SGCZ: variants seen among roughly 807,000 people sequenced by gnomAD.
SGCZ encodes sarcoglycan zeta, also known as zeta-sarcoglycan.
A neutral mutation model predicts 41.3 loss-of-function variants in SGCZ; 40 were observed. That is an observed-to-expected ratio of 0.97 (90% CI 0.75 to 1.26). The LOEUF is 1.26. SGCZ is among the 50% of genes most tolerant of loss of function. SGCZ has a pLI of 0.00. For missense variants in SGCZ, 552 were observed against 369.8 expected (o/e 1.49, Z -4.04); for synonymous variants, 206 against 137.5 (o/e 1.50, Z -3.49).
intron 1 of SGCZ, among the ~76,000 whole-genome samples, chr8:14,671,282 T>G (rs1230647151): frequency 6.6e-6 from 1 of 152,206 alleles, no homozygotes; most frequent in Non-Finnish European, 1.5e-5. Context: ...TGGCTGTCTC[T>G]GCTCTGGCAT....
chr8:14,223,450 T>C (rs942167761), intron 4 of SGCZ, among the ~76,000 whole-genome samples: 8 of 152,202 alleles, frequency 5.3e-5, no homozygotes, highest in Admixed American at 1.3e-4. Context: ...ATATTTTCAA[T>C]GAATATTGAT....
At chr8:14,614,212 C>G (rs1355305) in intron 1 of SGCZ, among the ~76,000 whole-genome samples, 1 of 151,774 alleles carries the variant, frequency 6.6e-6, no homozygotes, top group African/African-American at 2.4e-5. Context: ...CCTTTAGAAC[C>G]GAAAATGAAT....
At chr8:15,167,016 T>A in intron 1 of SGCZ, among the ~76,000 whole-genome samples, 1 of 141,638 alleles carries the variant, frequency 7.1e-6, no homozygotes, top group African/African-American at 2.5e-5. Flanking sequence ...ATTCTTGTTT[T>A]GTTTTTTTTT....
At chr8:15,022,832 T>C (rs935373332) in intron 1 of SGCZ, among the ~76,000 whole-genome samples, 1 of 152,214 alleles carries the variant, frequency 6.6e-6, no homozygotes, top group African/African-American at 2.4e-5. Flanking sequence ...CAAATAGTCT[T>C]GTGCAAGAAT....
chr8:14,757,692 C>A (rs949681032), intron 1 of SGCZ, among the ~76,000 whole-genome samples: 1 of 152,174 alleles, frequency 6.6e-6, no homozygotes, highest in African/African-American at 2.4e-5. Context: ...ATCCTTATCA[C>A]AAAGAATTGA....
intron 1 of SGCZ, among the ~76,000 whole-genome samples, chr8:14,871,733 G>T (rs891942847): frequency 1.2e-4 from 18 of 152,010 alleles, no homozygotes; most frequent in African/African-American, 4.3e-4. Context: ...GAACTCAGGA[G>T]GCAGGGGTTG....
intron 1 of SGCZ, among the ~76,000 whole-genome samples, chr8:14,717,842 A>C (rs1359473913): frequency 6.6e-6 from 1 of 152,022 alleles, no homozygotes; most frequent in Non-Finnish European, 1.5e-5. Flanking sequence ...AATCCACTCT[A>C]GTAACTTCCT....
chr8:15,107,633 G>C (rs750359506), intron 1 of SGCZ, among the ~76,000 whole-genome samples: 3 of 152,170 alleles, frequency 2.0e-5, no homozygotes, highest in Non-Finnish European at 4.4e-5. Flanking sequence ...CTGCAGGACT[G>C]TGAACTACAT....
intron 2 of SGCZ, among the ~76,000 whole-genome samples, chr8:14,478,171 A>G (rs886590966): frequency 6.6e-6 from 1 of 152,248 alleles, no homozygotes; most frequent in Non-Finnish European, 1.5e-5. Flanking sequence ...TTATCATATA[A>G]TCTAGCAATC....
At chr8:14,361,781 A>G (rs775625391) in intron 2 of SGCZ, among the ~76,000 whole-genome samples, 6 of 152,134 alleles carry the variant, frequency 3.9e-5, no homozygotes, top group Non-Finnish European at 5.9e-5. Context: ...TGGAATTTTC[A>G]GCCTTTCTGC....
intron 2 of SGCZ, among the ~76,000 whole-genome samples, chr8:14,543,262 TTCTC>T (rs1803525280): frequency 6.6e-6 from 1 of 152,088 alleles, no homozygotes; most frequent in Non-Finnish European, 1.5e-5. Flanking sequence ...CTTTCAGACT[TTCTC>T]TATTCAGACT....
intron 1 of SGCZ, among the ~76,000 whole-genome samples, chr8:14,556,535 CA>C (rs1804040862): frequency 6.6e-6 from 1 of 151,926 alleles, no homozygotes; most frequent in Non-Finnish European, 1.5e-5. Context: ...ATGCATCCAT[CA>C]CCTCAGCAGT....
At chr8:14,226,434 G>A (rs1248393460) in intron 4 of SGCZ, among the ~76,000 whole-genome samples, 3 of 151,926 alleles carry the variant, frequency 2.0e-5, no homozygotes, top group African/African-American at 7.3e-5. Flanking sequence ...CATGAATCTG[G>A]TTTTACCATA....
chr8:14,660,341 G>A (rs1807707129), intron 1 of SGCZ, among the ~76,000 whole-genome samples: 1 of 152,030 alleles, frequency 6.6e-6, no homozygotes, highest in South Asian at 2.1e-4. Flanking sequence ...GGAGGCCGAG[G>A]TGGGTGGATC....
At chr8:14,271,762 T>G (rs1412418039) in intron 3 of SGCZ, among the ~76,000 whole-genome samples, 1 of 152,208 alleles carries the variant, frequency 6.6e-6, no homozygotes, top group East Asian at 1.9e-4. Context: ...AAACCTCAGC[T>G]GTCCAAGTGA....
intron 2 of SGCZ, among the ~76,000 whole-genome samples, chr8:14,328,063 C>T (rs1335733667): frequency 6.6e-6 from 1 of 152,098 alleles, no homozygotes; most frequent in African/African-American, 2.4e-5. Context: ...TTTCTTTTTC[C>T]TGTCTTGTAT....
At chr8:14,114,270 AGTTTCT>A (rs1291510917) in intron 5 of SGCZ, among the ~76,000 whole-genome samples, 5 of 152,068 alleles carry the variant, frequency 3.3e-5, no homozygotes, top group African/African-American at 1.2e-4. Context: ...AAACATGCTA[AGTTTCT>A]GTTTCCTAGT....
intron 1 of SGCZ, among the ~76,000 whole-genome samples, chr8:14,568,444 G>A (rs75792049): frequency 1.8e-4 from 23 of 127,782 alleles, no homozygotes; most frequent in South Asian, 5.1e-4. Context: ...TACATTATCA[G>A]AAAAAAAAAA....
At chr8:14,795,098 A>T (rs1343958738) in intron 1 of SGCZ, among the ~76,000 whole-genome samples, 3 of 152,190 alleles carry the variant, frequency 2.0e-5, no homozygotes, top group Non-Finnish European at 4.4e-5. Flanking sequence ...GAAACAGAAG[A>T]CCCAACACAG....
Sources: gnomAD v4.1 joint callset for allele counts (sites outside exome capture counted in the v4.1 genomes callset) on GRCh38, gnomAD v4.1.1 for gene constraint, MANE v1.5 for transcripts, NCBI Gene and HGNC (gene_info 2026-07-23, HGNC 2026-07-21) for gene names.